DKK2: variants seen among roughly 807,000 people sequenced by gnomAD.
DKK2 encodes dickkopf Wnt signaling pathway inhibitor 2, also known as dickkopf-related protein 2.
Under a neutral mutation model 28.1 loss-of-function variants are expected in DKK2, and 11 were observed. The observed-to-expected ratio is 0.39, with a 90% CI of 0.25 to 0.65. The LOEUF (loss-of-function observed/expected upper bound fraction) is 0.65, where lower values mean the gene tolerates loss of function less well. DKK2 is among the 30% of genes least tolerant of loss of function. The pLI is 0.47. For missense variants in DKK2, 326 were observed against 335.5 expected (o/e 0.97, Z 0.22); for synonymous variants, 135 against 126.5 (o/e 1.07, Z -0.45).
intron 1 of DKK2, among the ~76,000 whole-genome samples, chr4:107,033,190 G>A (rs2110379048): frequency 6.6e-6 from 1 of 152,148 alleles, no homozygotes; most frequent in East Asian, 1.9e-4. Flanking sequence ...TCTTGAATAT[G>A]TTAACAATTT....
chr4:107,011,839 G>C (rs905322877), intron 1 of DKK2, among the ~76,000 whole-genome samples: 3 of 151,298 alleles, frequency 2.0e-5, no homozygotes, highest in African/African-American at 7.3e-5. Flanking sequence ...CAATACAAAT[G>C]TCAATACAGT....
intron 1 of DKK2, among the ~76,000 whole-genome samples, chr4:106,977,723 C>T (rs554940294): frequency 1.3e-5 from 2 of 151,976 alleles, no homozygotes; most frequent in African/African-American, 4.8e-5. Flanking sequence ...ACCCACCTTC[C>T]GAAGCCTACT....
rs561748267 is a variant in DKK2 at position 106,995,926 on chromosome 4, T to C, written c.222+39444A>G. Among the ~76,000 whole-genome samples the C allele has an allele frequency of 2.0e-4, 30 of 152,282 alleles. No homozygotes were observed. In the East Asian group the frequency reaches 3.9e-3, roughly 20 times the overall value. The stretch of plus-strand genomic sequence containing the variant: ...GCACCTGGCCAGGACTCTATGTATC[T>C]TTAACAAACTCTTTCTCCATGGGCA... On this transcript the variant is annotated intron_variant, in intron 1 of 3. Coordinates refer to ENST00000285311, the MANE Select transcript of DKK2 (RefSeq NM_014421.3).
At chr4:106,969,606 T>C (rs1407837530) in intron 1 of DKK2, among the ~76,000 whole-genome samples, 1 of 152,136 alleles carries the variant, frequency 6.6e-6, no homozygotes, top group Admixed American at 6.6e-5. Flanking sequence ...TCTAATTTTT[T>C]TTTTGGTCCC....
chr4:107,024,946 T>C (rs1033433104), intron 1 of DKK2, among the ~76,000 whole-genome samples: 15 of 152,202 alleles, frequency 9.9e-5, no homozygotes, highest in African/African-American at 3.6e-4. Flanking sequence ...TATACCCAGA[T>C]TGAACATGGG....
Position 106,924,635 on chromosome 4 carries a change from G to A in DKK2, c.439C>T (p.His147Tyr). 6.2e-7 allele frequency: 1 copy of A among 1,613,900 alleles called. No homozygotes were observed. Among genetic ancestry groups the A allele is most frequent in the Non-Finnish European group, 8.5e-7 (1 of 1,179,880 alleles). The stretch of plus-strand genomic sequence containing the variant: ...TAATGACCGTGGTTTCGATCTCTGT[G>A]CCGAGTACCATCCAGAGCCGGGATG... ...PHIPALDGTRHRDRNHGHYSN... is the reference protein window; with the variant it reads ...PHIPALDGTRYRDRNHGHYSN... The change falls in exon 3 of 4, where the codon CAC becomes TAC. Residue 147 changes from histidine to tyrosine, a missense_variant. His to Tyr is a moderately conservative substitution (Grantham distance 83, BLOSUM62 2). Coordinates refer to ENST00000285311, the MANE Select transcript of DKK2 (RefSeq NM_014421.3).
intron 1 of DKK2, among the ~76,000 whole-genome samples, chr4:106,954,817 G>A (rs1038858602): frequency 2.0e-5 from 3 of 152,076 alleles, no homozygotes; most frequent in Non-Finnish European, 2.9e-5. Flanking sequence ...CACTGCACCC[G>A]GCTAGAAATG....
At chr4:106,941,270 T>C (rs116484617) in intron 1 of DKK2, among the ~76,000 whole-genome samples, 1 of 152,092 alleles carries the variant, frequency 6.6e-6, no homozygotes, top group Non-Finnish European at 1.5e-5. Flanking sequence ...AAGTTCTGGA[T>C]TAAGATCATC....
intron 1 of DKK2, among the ~76,000 whole-genome samples, chr4:107,001,532 A>C (rs866684741): frequency 2.0e-5 from 3 of 152,194 alleles, no homozygotes; most frequent in Non-Finnish European, 2.9e-5. Flanking sequence ...CAACAGAACT[A>C]GAATTTAAAA....
intron 1 of DKK2, among the ~76,000 whole-genome samples, chr4:106,999,370 A>G (rs1448918292): frequency 1.3e-5 from 2 of 152,138 alleles, no homozygotes; most frequent in African/African-American, 4.8e-5. Context: ...TTTTTTTGAG[A>G]CGGAGTCTCT....
chr4:107,026,316 T>G (rs1402895707), intron 1 of DKK2, among the ~76,000 whole-genome samples: 3 of 152,162 alleles, frequency 2.0e-5, no homozygotes, highest in Admixed American at 6.5e-5. Context: ...AGAAGGTTTT[T>G]CACACTGAAA....
chr4:106,927,767 A>G (rs1376712452), intron 1 of DKK2, among the ~76,000 whole-genome samples: 2 of 152,194 alleles, frequency 1.3e-5, no homozygotes, highest in Non-Finnish European at 2.9e-5. Flanking sequence ...TTTTAATGAA[A>G]TACAATTCAC....
At chr4:106,939,642 C>T (rs1403421399) in intron 1 of DKK2, among the ~76,000 whole-genome samples, 1 of 152,268 alleles carries the variant, frequency 6.6e-6, no homozygotes, top group African/African-American at 2.4e-5. Flanking sequence ...AAAGAGCCCG[C>T]ATCGCCAAGT....
At chr4:106,977,058 A>G (rs1270999646) in intron 1 of DKK2, among the ~76,000 whole-genome samples, 1 of 152,190 alleles carries the variant, frequency 6.6e-6, no homozygotes, top group African/African-American at 2.4e-5. Context: ...AGAATGTTGA[A>G]TATTGGCCCC....
intron 3 of DKK2, 124 bp from the exon 4 acceptor site, chr4:106,924,328 T>C: frequency 7.2e-7 from 1 of 1,380,498 alleles, no homozygotes. Flanking sequence ...CCATTTATAA[T>C]GAAAAGTCTT....
intron 1 of DKK2, among the ~76,000 whole-genome samples, chr4:106,979,001 G>A (rs1722988743): frequency 6.6e-6 from 1 of 152,064 alleles, no homozygotes; most frequent in Non-Finnish European, 1.5e-5. Flanking sequence ...AGCTTCCCTT[G>A]GGTAGGGGAA....
intron 1 of DKK2, among the ~76,000 whole-genome samples, chr4:107,003,798 A>G (rs1723397766): frequency 6.6e-6 from 1 of 152,212 alleles, no homozygotes; most frequent in East Asian, 1.9e-4. Flanking sequence ...AAAATTTAAA[A>G]TATCAGACCT....
chr4:107,013,505 T>G (rs189289806), intron 1 of DKK2, among the ~76,000 whole-genome samples: 5 of 151,316 alleles, frequency 3.3e-5, no homozygotes, highest in Admixed American at 2.0e-4. Flanking sequence ...AAGAATGAAA[T>G]TAGACTATCT....
At position 106,924,221 on chromosome 4, in the gene DKK2, C is replaced by G. The variant is rs1212429652; in HGVS notation, c.530-17G>C. On this transcript the variant is annotated splice_polypyrimidine_tract_variant and intron_variant, in intron 3 of 3. Coordinates refer to ENST00000285311, the MANE Select transcript of DKK2 (RefSeq NM_014421.3). ...CTTCATGCCCTGCAGAGATGATGAC[C>G]AATAGATGTTACCCTGACACTTCAG... The G allele has an allele frequency of 5.6e-6, 9 of 1,612,648 alleles. No individual in the cohort carries two copies. Among genetic ancestry groups the G allele is most frequent in the Middle Eastern group, 1.6e-4 (1 of 6,074 alleles).
Sources: gnomAD v4.1 joint callset for allele counts (sites outside exome capture counted in the v4.1 genomes callset) on GRCh38, gnomAD v4.1.1 for gene constraint, MANE v1.5 for transcripts, NCBI Gene and HGNC (gene_info 2026-07-23, HGNC 2026-07-21) for gene names.